HMGB2: variants seen among roughly 807,000 people sequenced by gnomAD.
The protein encoded by HMGB2 is high mobility group box 2.
HMGB2 carries 2 observed loss-of-function variants against 23.0 expected under a neutral mutation model. The ratio of observed to expected loss-of-function variants is 0.09; its 90% CI spans 0.04 to 0.27. The LOEUF (loss-of-function observed/expected upper bound fraction) is 0.27, where lower values mean the gene tolerates loss of function less well. Among genes scored for constraint, HMGB2 ranks in the 10% least tolerant of loss-of-function variants. The pLI, the probability that HMGB2 is intolerant of heterozygous loss-of-function variation, is 1.00. For missense variants in HMGB2, 178 were observed against 256.5 expected (o/e 0.69, Z 2.09); for synonymous variants, 99 against 87.5 (o/e 1.13, Z -0.73).
In HMGB2 at chr4:173,332,845, A is replaced by G; in HGVS notation, c.447T>C (p.Ala149=). The change falls in exon 4 of 5, where the codon GCT becomes GCC. Residue 149 remains alanine (A), a synonymous_variant. Transcript: ENST00000296503. ...KDKQPYEQKA[A]KLKEKYEKDI... is the part of the protein sequence containing the mutation. ...CCTTTTCATATTTCTCCTTTAGCTT[A>G]GCTGCTTTCTGTTCATATGGTTGTT... 1 of 1,614,146 alleles carries G rather than the reference A, an allele frequency of 6.2e-7. No individual in the cohort carries two copies. The highest frequency in any genetic ancestry group is 1.1e-5 in the South Asian group (1 of 91,084).
intron 4 of HMGB2, chr4:173,332,619 G>A (rs1349553676): frequency 1.8e-6 from 1 of 571,078 alleles, no homozygotes; most frequent in Non-Finnish European, 3.1e-6. Flanking sequence ...TCTGTCTGCA[G>A]GAATATACTA....
intron 4 of HMGB2, 31 bp downstream of exon 4, chr4:173,332,790 A>G: frequency 6.3e-7 from 1 of 1,589,710 alleles, no homozygotes; most frequent in Non-Finnish European, 8.6e-7. Context: ...ACCTAGTCTT[A>G]TCCACGGCTT....
At position 173,332,027 on chromosome 4, in the gene HMGB2, T is replaced by C. The variant is rs73005353; in HGVS notation, c.*53A>G. The C allele has an allele frequency of 0.042, 67,486 of 1,605,660 alleles. 2,625 individuals are homozygous for C. The highest frequency in any genetic ancestry group is 0.19 in the African/African-American group (13,993 of 74,690). Reference sequence around the variant, plus strand: ...ACTTGAATTCACATTCTTAGCAAAATAATTGCCTGAGCACACACACACATT... The same window carrying C: ...ACTTGAATTCACATTCTTAGCAAAACAATTGCCTGAGCACACACACACATT... On this transcript the variant is annotated 3_prime_UTR_variant, in exon 5 of 5. Transcript: ENST00000296503.
chr4:173,333,483 T>C lies in HMGB2; in HGVS notation c.150+17A>G. ...CCACACCTGCACCCCCTGAGCTCCGTCCCTCTCCTGCCTCACCTTCCATCT... is the reference window on the plus strand; with the variant it reads ...CCACACCTGCACCCCCTGAGCTCCGCCCCTCTCCTGCCTCACCTTCCATCT... On this transcript the variant is annotated intron_variant, in intron 2 of 4. Transcript: ENST00000296503. The surrounding 1 kb of genome is among the most constrained non-coding windows in gnomAD (Gnocchi z 4.6). The C allele has an allele frequency of 6.2e-7, 1 of 1,609,438 alleles. No individual in the cohort carries two copies. The highest frequency in any genetic ancestry group is 8.5e-7 in the Non-Finnish European group (1 of 1,177,238).
chr4:173,332,304 G>A (rs1450851151), intron 4 of HMGB2, 66 bp from the exon 5 acceptor site: 31 of 1,227,136 alleles, frequency 2.5e-5, no homozygotes, highest in Non-Finnish European at 3.4e-5. Flanking sequence ...CCACTTAGTT[G>A]TAAACAATCT....
In HMGB2 at chr4:173,333,694, G is replaced by C; in HGVS notation, c.-20-25C>G. 6.5e-7 allele frequency: 1 copy of C among 1,540,542 alleles called. No individual in the cohort carries two copies. Among genetic ancestry groups the C allele is most frequent in the Non-Finnish European group, 8.8e-7 (1 of 1,136,842 alleles). ...CCTGACGGGGCCGAGGGGGGAGAGG[G>C]GAAGCCGGAGGGTCGGCGCGGAGCC... On this transcript the variant is annotated intron_variant, in intron 1 of 4. Coordinates refer to ENST00000296503, the MANE Select transcript of HMGB2 (RefSeq NM_002129.4). The surrounding 1 kb of genome is among the most constrained non-coding windows in gnomAD (Gnocchi z 4.6).
intron 4 of HMGB2, 82 bp from the exon 5 acceptor site, chr4:173,332,320 G>A (rs1042307511): frequency 1.9e-6 from 2 of 1,066,010 alleles, no homozygotes; most frequent in African/African-American, 1.6e-5. Flanking sequence ...AATCTAAGAT[G>A]ATTGACCAAT....
chr4:173,333,915 C>T lies in HMGB2; in HGVS notation c.-20-246G>A, dbSNP rs903398000. On this transcript the variant is annotated intron_variant, in intron 1 of 4. Transcript: ENST00000296503. The surrounding 1 kb of genome is among the most constrained non-coding windows in gnomAD (Gnocchi z 4.6). ...CGCGGCTCAGCCCAGCAAGTGGCTC[C>T]CGGGGCCCGAGACGCCGCCGCCCGC... 2 of 236,368 alleles carry T rather than the reference C, an allele frequency of 8.5e-6. No individual in the cohort carries two copies. Among genetic ancestry groups the T allele is most frequent in the Non-Finnish European group, 1.6e-5 (2 of 122,916 alleles). The allele number at this position is 236,368 out of a possible 1,614,324, so 14.6% of individuals were successfully genotyped here. A position where few individuals can be genotyped will look rare whatever the true frequency, so the allele number is the denominator to read the frequency against.
At chr4:173,332,402 G>A in intron 4 of HMGB2, 164 bp from the exon 5 acceptor site, 2 of 579,670 alleles carry the variant, frequency 3.5e-6, no homozygotes, top group Middle Eastern at 3.2e-4. Flanking sequence ...GCTTTAACAA[G>A]TTAATGACGT....
rs1247117888 is a variant in HMGB2 at position 173,332,140 on chromosome 4, C to A, written c.570G>T (p.Glu190Asp). 6.8e-6 allele frequency: 11 copies of A among 1,609,210 alleles called. No individual in the cohort carries two copies. The Admixed American group carries it at 1.7e-4, about 24-fold the overall frequency. ...GSKKKNEPED[E>D]EEEEEEEDED... The stretch of plus-strand genomic sequence containing the variant: ...CATCTTCTTCTTCCTCCTCCTCCTC[C>A]TCATCTTCTGGTTCGTTCTTCTTCT... The change falls in exon 5 of 5, where the codon GAG becomes GAT. Residue 190 changes from glutamate (E) to aspartate (D), a missense_variant. By Grantham distance (45) the Glu-to-Asp change is conservative (BLOSUM62 2). Transcript: ENST00000296503.
In HMGB2 at chr4:173,333,506, T is replaced by C. The variant is rs199598245; in HGVS notation, c.144A>G (p.Arg48=). ...FAEFSKKCSE[R]WKTMSAKEKS... is the part of the protein sequence containing the mutation. ...CGTCCCTCTCCTGCCTCACCTTCCA[T>C]CTCTCCGAACACTTCTTGGAGAATT... is the stretch of plus-strand genomic sequence containing the variant. The change falls in exon 2 of 5, where the codon AGA becomes AGG. Residue 48 remains arginine (R), a synonymous_variant. Coordinates refer to ENST00000296503, the MANE Select transcript of HMGB2 (RefSeq NM_002129.4). This position sits in a 1 kb window ranked among gnomAD's most constrained non-coding sequence, Gnocchi z 4.6. 3 of 1,613,314 alleles carry C rather than the reference T, an allele frequency of 1.9e-6. No individual in the cohort carries two copies. Among genetic ancestry groups the C allele is most frequent in the Admixed American group, 1.7e-5 (1 of 59,958 alleles).
rs753402555 is a variant in HMGB2, at chr4:173,333,106, C to A, written c.259G>T (p.Gly87Trp). 6.2e-7 allele frequency: 1 copy of A among 1,613,920 alleles called. No homozygotes were observed. The highest frequency in any genetic ancestry group is 8.5e-7 in the Non-Finnish European group (1 of 1,179,976). ...GGAGCATTGGGGTCCTTTTTCTTCCCCTTCTTATCACCTTTGGGAGGAACG... is the reference window on the plus strand; with the variant it reads ...GGAGCATTGGGGTCCTTTTTCTTCCACTTCTTATCACCTTTGGGAGGAACG... Reference protein sequence around the residue: ...NYVPPKGDKKGKKKDPNAPKR... With the variant: ...NYVPPKGDKKWKKKDPNAPKR... Residue 87 changes from glycine (G) to tryptophan (W), a missense_variant, in exon 3 of 5, where the codon GGG (glycine) becomes TGG (tryptophan). By Grantham distance (184) the Gly-to-Trp change is radical. Around this residue, in one of 3 missense-constraint regions of HMGB2, gnomAD observed 90 missense variants for 114.4 expected, o/e 0.79. Transcript: ENST00000296503. This position sits in a 1 kb window ranked among gnomAD's most constrained non-coding sequence, Gnocchi z 4.6.
Position 173,333,772 on chromosome 4 carries a change from T to G in HMGB2, c.-20-103A>C. On this transcript the variant is annotated intron_variant, in intron 1 of 4. Transcript: ENST00000296503. This position sits in a 1 kb window ranked among gnomAD's most constrained non-coding sequence, Gnocchi z 4.6. ...GGCTCCGCTTCCCGCCCAAATCCGC[T>G]CCCGCCCTGCCCGCGCCCCCCTCCT... The G allele has an allele frequency of 4.8e-6, 4 of 836,790 alleles. No homozygotes were observed. Among genetic ancestry groups the G allele is most frequent in the Non-Finnish European group, 5.0e-6 (3 of 599,900 alleles). The allele number at this position is 836,790 out of a possible 1,614,324, so 51.8% of individuals were successfully genotyped here. A position where few individuals can be genotyped will look rare whatever the true frequency, so the allele number is the denominator to read the frequency against.
chr4:173,334,238 C>T (rs1356950196), intron 1 of HMGB2, 34 bp downstream of exon 1: 5 of 152,232 alleles, frequency 3.3e-5, no homozygotes, highest in Non-Finnish European at 5.9e-5. Flanking sequence ...AAAGGCAGGT[C>T]CACGAACCCG....
rs779673232 is a variant in HMGB2 at position 173,332,977 on chromosome 4, A to G, written c.315T>C (p.Phe105=). 43 of 1,614,182 alleles carry G rather than the reference A, an allele frequency of 2.7e-5. 1 individual carries two copies. The Middle Eastern group carries it at 1.7e-3, about 62-fold the overall frequency. The part of the protein sequence containing the change: ...PKRPPSAFFL[F]CSEHRPKIKS... The stretch of plus-strand genomic sequence containing the variant: ...TGATCTTTGGGCGATGTTCAGAGCA[A>G]AACAGGAAGAAGGCAGATCTGAAAG... Residue 105 remains phenylalanine (F), a synonymous_variant, in exon 4 of 5, where the codon TTT becomes TTC. Coordinates refer to ENST00000296503, the MANE Select transcript of HMGB2 (RefSeq NM_002129.4).
Position 173,333,801 on chromosome 4 carries a change from G to A in HMGB2, c.-20-132C>T, listed in dbSNP as rs1385393864. On this transcript the variant is annotated intron_variant, in intron 1 of 4. Coordinates refer to ENST00000296503, the MANE Select transcript of HMGB2 (RefSeq NM_002129.4). The surrounding 1 kb of genome is among the most constrained non-coding windows in gnomAD (Gnocchi z 4.6). ...GCCCTGCCCGCGCCCCCCTCCTCCC[G>A]AGGGCGTCCTCCCAAGGGCGGCCGC... is the stretch of plus-strand genomic sequence containing the variant. 3.0e-5 allele frequency: 15 copies of A among 494,966 alleles called. No individual in the cohort carries two copies. Among genetic ancestry groups the A allele is most frequent in the Non-Finnish European group, 4.0e-5 (14 of 349,462 alleles). 30.7% of individuals were successfully genotyped at this position (494,966 alleles called of 1,614,324 possible).
rs1738140147 is a variant in HMGB2, at chr4:173,332,808, G to A, written c.471+13C>T. On this transcript the variant is annotated intron_variant, in intron 4 of 4. Coordinates refer to ENST00000296503, the MANE Select transcript of HMGB2 (RefSeq NM_002129.4). ...TAGTCTTATCCACGGCTTTAAAAAA[G>A]ATGACACTGTACCTTTTCATATTTC... The A allele has an allele frequency of 1.9e-6, 3 of 1,604,044 alleles. No individual in the cohort carries two copies. The highest frequency in any genetic ancestry group is 2.2e-5 in the South Asian group (2 of 90,948).
intron 4 of HMGB2, chr4:173,332,596 A>G: frequency 1.8e-6 from 1 of 548,066 alleles, no homozygotes; most frequent in Non-Finnish European, 3.2e-6. Flanking sequence ...CAATAACTAC[A>G]AGTAACTACA....
chr4:173,333,659 T>C lies in HMGB2; in HGVS notation c.-10A>G. 6.2e-7 allele frequency: 1 copy of C among 1,600,698 alleles called. No individual in the cohort carries two copies. The highest frequency in any genetic ancestry group is 1.1e-5 in the South Asian group (1 of 90,180). ...GGTCTCCTTTACCCATGTTGACAGA[T>C]CCGCGTCCACCTGACGGGGCCGAGG... On this transcript the variant is annotated 5_prime_UTR_variant, in exon 2 of 5. Coordinates refer to ENST00000296503, the MANE Select transcript of HMGB2 (RefSeq NM_002129.4). The surrounding 1 kb of genome is among the most constrained non-coding windows in gnomAD (Gnocchi z 4.6).
Sources: gnomAD v4.1 joint callset for allele counts on GRCh38, gnomAD v4.1.1 for gene constraint, gnomAD v4.1.1 regional missense constraint, Gnocchi (gnomAD v3.1) non-coding constraint, MANE v1.5 for transcripts, NCBI Gene and HGNC (gene_info 2026-07-23, HGNC 2026-07-21) for gene names.